Variants in SLC47A2 observed in about 807,000 individuals in gnomAD.
SLC47A2 encodes solute carrier family 47 member 2.
In SLC47A2, 52 loss-of-function variants were observed where a neutral mutation model predicts 67.7. The observed-to-expected ratio is 0.77, with a 90% confidence interval of 0.61 to 0.97. The LOEUF is 0.97. Ranked by LOEUF, SLC47A2 falls within the 50% of genes least tolerant of loss-of-function variation. The pLI is 0.00. For synonymous variants in SLC47A2, 278 were observed against 292.9 expected, an observed-to-expected ratio of 0.95 and a Z score of 0.52; for missense variants, 676 against 712.3, an observed-to-expected ratio of 0.95 and a Z score of 0.58.
intron 10 of SLC47A2, 42 bp from the exon 11 acceptor site, chr17:19,704,220 T>C: frequency 6.5e-7 from 1 of 1,537,878 alleles, no homozygotes; most frequent in Non-Finnish European, 8.9e-7. Context: ...GGGCCCACCC[T>C]CCAACCCCTG....
Position 19,716,432 on chromosome 17 carries a change from C to A in SLC47A2, c.123+1G>T, listed in dbSNP as rs553955169. ...CCTGCCCCCCAGCTCCTCCTCCTTACCAGGGGTCCAGAAAGGGCAAAGAGA... is the reference window on the plus strand; with the variant it reads ...CCTGCCCCCCAGCTCCTCCTCCTTAACAGGGGTCCAGAAAGGGCAAAGAGA... On this transcript the variant is annotated splice_donor_variant, in intron 1 of 16. Transcript: ENST00000433844. LOFTEE classifies it high-confidence loss of function. The A allele has an allele frequency of 2.1e-5, 34 of 1,608,656 alleles. No homozygotes were observed. The South Asian group carries it at 3.2e-4, about 15-fold the overall frequency.
chr17:19,715,346 C>G (rs1254231029), intron 1 of SLC47A2, 129 bp from the exon 2 acceptor site: 1 of 752,616 alleles, frequency 1.3e-6, no homozygotes, highest in Non-Finnish European at 2.2e-6. Context: ...CCTGGGGAAG[C>G]CAGGGCTGGA....
intron 15 of SLC47A2, 83 bp downstream of exon 15, chr17:19,681,283 TG>T: frequency 8.8e-7 from 1 of 1,136,220 alleles, no homozygotes; most frequent in Non-Finnish European, 1.3e-6. Flanking sequence ...TGATGTGCTC[TG>T]GGCATTTCTG....
chr17:19,713,335 C>T (rs2086151400), intron 4 of SLC47A2, among the ~76,000 whole-genome samples: 1 of 151,966 alleles, frequency 6.6e-6, no homozygotes, highest in Non-Finnish European at 1.5e-5. Context: ...TTGCAGTGAG[C>T]CAAGATTGCA....
chr17:19,706,004 T>C (rs920008217), intron 9 of SLC47A2, among the ~76,000 whole-genome samples: 1 of 152,170 alleles, frequency 6.6e-6, no homozygotes, highest in Admixed American at 6.5e-5. Context: ...CCCTGCAGGC[T>C]TCCCTGTGTG....
chr17:19,707,843 C>T lies in SLC47A2; in HGVS notation c.630G>A (p.Arg210=). 6.3e-7 allele frequency: 1 copy of T among 1,589,712 alleles called. No homozygotes were observed. The change falls in exon 8 of 17, where the codon AGG becomes AGA. Residue 210 remains arginine, a splice_region_variant and synonymous_variant. Coordinates refer to ENST00000433844, the MANE Select transcript of SLC47A2 (RefSeq NM_001099646.3). The part of the protein sequence containing the change: ...ALVSVLNLGV[R]GSAYANIISQ... ...AGATGATGTTGGCATAGGCGGAGCC[C>T]CTGGGTAAGGAGGGAGAACAGGGCT...
chr17:19,692,203 G>A (rs2085556713), intron 13 of SLC47A2: 3 of 400,210 alleles, frequency 7.5e-6, no homozygotes, highest in Non-Finnish European at 1.4e-5. Flanking sequence ...ACTCCAGCCT[G>A]GGCAACAGAG....
intron 13 of SLC47A2, among the ~76,000 whole-genome samples, chr17:19,696,259 T>A (rs2085659805): frequency 6.9e-6 from 1 of 144,216 alleles, no homozygotes; most frequent in South Asian, 2.3e-4. Context: ...AAGACCATCC[T>A]GGCCAACATG....
At chr17:19,686,660 G>A (rs1274894837) in intron 13 of SLC47A2, among the ~76,000 whole-genome samples, 1 of 152,132 alleles carries the variant, frequency 6.6e-6, no homozygotes, top group Non-Finnish European at 1.5e-5. Flanking sequence ...TTTATACTTA[G>A]ATAAAATAGA....
Position 19,716,568 on chromosome 17 carries a change from C to A in SLC47A2, c.-13G>T. Reference sequence around the variant, plus strand: ...GGAGGCTGTCCATTCCTGGCCGGGGCACTGGCTACCCTGCACGCCTGAGCG... The same window carrying A: ...GGAGGCTGTCCATTCCTGGCCGGGGAACTGGCTACCCTGCACGCCTGAGCG... On this transcript the variant is annotated 5_prime_UTR_variant, in exon 1 of 17. Transcript: ENST00000433844. The A allele has an allele frequency of 2.5e-6, 4 of 1,592,818 alleles. No individual in the cohort carries two copies. Among genetic ancestry groups the A allele is most frequent in the Non-Finnish European group, 2.6e-6 (3 of 1,170,900 alleles).
chr17:19,705,641 T>A, intron 9 of SLC47A2, 138 bp from the exon 10 acceptor site: 1 of 748,424 alleles, frequency 1.3e-6, no homozygotes, highest in Non-Finnish European at 2.0e-6. Context: ...ACTCTGTCGC[T>A]TGAGCTGGAG....
At chr17:19,679,897 C>T in intron 16 of SLC47A2, 55 bp downstream of exon 16, 2 of 1,548,800 alleles carry the variant, frequency 1.3e-6, no homozygotes, top group South Asian at 2.4e-5. Context: ...ACAAGAGCAA[C>T]ATGCCACTGA....
intron 5 of SLC47A2, 132 bp from the exon 6 acceptor site, chr17:19,708,892 CCT>C: frequency 8.5e-7 from 1 of 1,181,648 alleles, no homozygotes; most frequent in Non-Finnish European, 1.2e-6. Flanking sequence ...ATGTCTGGGA[CCT>C]CTCAGGTGCG....
chr17:19,714,821 T>C (rs770871514), intron 2 of SLC47A2, 32 bp from the exon 3 acceptor site: 9 of 1,613,682 alleles, frequency 5.6e-6, no homozygotes, highest in Non-Finnish European at 7.6e-6. Context: ...AACAAGAGCT[T>C]GTCAGGTGAG....
At position 19,681,435 on chromosome 17, in the gene SLC47A2, C is replaced by G. The variant is rs376829800; in HGVS notation, c.1324G>C (p.Val442Leu). The change falls in exon 15 of 17, where the codon GTC (valine) becomes CTC (leucine). Residue 442 changes from valine (V) to leucine (L), a missense_variant. Val to Leu is a conservative substitution (Grantham distance 32). Coordinates refer to ENST00000433844, the MANE Select transcript of SLC47A2 (RefSeq NM_001099646.3). ...ACAAAGGCAGCAGTTGCCAGGAAGA[C>G]ACAGGCCAGCATGCCCAGCCAGAGG... ...MGLWLGMLAC[V>L]FLATAAFVAY... The G allele has an allele frequency of 2.1e-5, 34 of 1,613,744 alleles. No individual in the cohort carries two copies. Among genetic ancestry groups the G allele is most frequent in the Non-Finnish European group, 2.9e-5 (34 of 1,179,924 alleles).
At chr17:19,708,791 CAAT>C (rs778531400) in intron 5 of SLC47A2, 31 bp from the exon 6 acceptor site, 1 of 1,612,590 alleles carries the variant, frequency 6.2e-7, no homozygotes, top group African/African-American at 1.3e-5. Context: ...AACAAATCAA[CAAT>C]AATGACCAAA....
Position 19,681,301 on chromosome 17 carries a change from T to A in SLC47A2, c.1392+66A>T, listed in dbSNP as rs1231299878. On this transcript the variant is annotated intron_variant, in intron 15 of 16. Coordinates refer to ENST00000433844, the MANE Select transcript of SLC47A2 (RefSeq NM_001099646.3). ...TGTGCTCTGGGCATTTCTGGCTGAG[T>A]AGTCACTCCACCTGCTGGGGTCAGG... is the stretch of plus-strand genomic sequence containing the variant. 8 of 1,338,164 alleles carry A rather than the reference T, an allele frequency of 6.0e-6. No individual in the cohort carries two copies. In the African/African-American group the frequency reaches 1.2e-4, roughly 20 times the overall value. The allele number at this position is 1,338,164 out of a possible 1,614,324, so 82.9% of individuals were successfully genotyped here.
At chr17:19,681,143 G>A (rs1258899670) in intron 15 of SLC47A2, among the ~76,000 whole-genome samples, 1 of 152,200 alleles carries the variant, frequency 6.6e-6, no homozygotes, top group African/African-American at 2.4e-5. Flanking sequence ...TACCCAGAAA[G>A]TGGAGCTTGC....
intron 13 of SLC47A2, among the ~76,000 whole-genome samples, chr17:19,701,869 G>A (rs1410043062): frequency 6.6e-6 from 1 of 152,160 alleles, no homozygotes; most frequent in African/African-American, 2.4e-5. Context: ...CCAGGCTAGT[G>A]ACTCAGGCCA....
Sources: gnomAD v4.1 joint callset for allele counts (sites outside exome capture counted in the v4.1 genomes callset) on GRCh38, gnomAD v4.1.1 for gene constraint, MANE v1.5 for transcripts, NCBI Gene and HGNC (gene_info 2026-07-23, HGNC 2026-07-21) for gene names.